TRMT11: variants seen among roughly 807,000 people sequenced by gnomAD.
The protein encoded by TRMT11 is tRNA methyltransferase 11.
A neutral mutation model predicts 62.8 loss-of-function variants in TRMT11; 53 were observed. The ratio of observed to expected loss-of-function variants is 0.84; its 90% CI spans 0.68 to 1.06. The LOEUF is 1.06. Ranked by LOEUF, TRMT11 falls within the 50% of genes least tolerant of loss-of-function variation. TRMT11 has a pLI of 0.00. For missense variants in TRMT11, 556 were observed against 553.4 expected, an observed-to-expected ratio of 1.00 and a Z score of -0.05; for synonymous variants, 188 against 190.3, an observed-to-expected ratio of 0.99 and a Z score of 0.10.
chr6:126,265,668 A>T, the TRMT11 span, among the ~76,000 whole-genome samples: 1 of 152,014 alleles, frequency 6.6e-6, no homozygotes, highest in East Asian at 1.9e-4. Context: ...TTTCTTTCTA[A>T]TGCAGCTACT....
intron 1 of TRMT11, among the ~76,000 whole-genome samples, chr6:125,991,314 T>C (rs545094419): frequency 6.6e-6 from 1 of 152,086 alleles, no homozygotes; most frequent in South Asian, 2.1e-4. Context: ...TGCAGTGGCG[T>C]GACCGTGGCT....
At chr6:126,148,669 T>C (rs1778002557) in intron 21 of TRMT11, among the ~76,000 whole-genome samples, 1 of 152,180 alleles carries the variant, frequency 6.6e-6, no homozygotes, top group Admixed American at 6.5e-5. Flanking sequence ...CTAATAATAG[T>C]ATTATTCCAA....
At chr6:126,026,928 A>T (rs1042400622) in intron 12 of TRMT11, among the ~76,000 whole-genome samples, 2 of 145,662 alleles carry the variant, frequency 1.4e-5, no homozygotes, top group Non-Finnish European at 3.0e-5. Flanking sequence ...TCAGCCTCCC[A>T]AGTAGCTGGG....
At chr6:126,007,379 A>G (rs929915887) in intron 7 of TRMT11, among the ~76,000 whole-genome samples, 3 of 152,008 alleles carry the variant, frequency 2.0e-5, no homozygotes, top group Non-Finnish European at 4.4e-5. Flanking sequence ...TTATAAGGGA[A>G]AGAGCCCCAG....
intron 7 of TRMT11, among the ~76,000 whole-genome samples, chr6:126,006,473 T>C (rs1006760205): frequency 5.9e-5 from 9 of 151,964 alleles, no homozygotes; most frequent in African/African-American, 2.2e-4. Context: ...GTGCTTACTA[T>C]TTAAGTAATG....
intron 21 of TRMT11, among the ~76,000 whole-genome samples, chr6:126,119,667 G>A (rs1200219941): frequency 6.6e-6 from 1 of 151,956 alleles, no homozygotes; most frequent in Non-Finnish European, 1.5e-5. Flanking sequence ...CTTTTGGAAC[G>A]ATCCTATGGA....
intron 17 of TRMT11, among the ~76,000 whole-genome samples, chr6:126,067,761 C>G (rs538241952): frequency 6.1e-4 from 93 of 152,160 alleles, no homozygotes; most frequent in African/African-American, 2.2e-3. Flanking sequence ...TGAATTATGC[C>G]AAATTATTTT....
intron 21 of TRMT11, among the ~76,000 whole-genome samples, chr6:126,148,436 G>A (rs1278218852): frequency 6.6e-6 from 1 of 152,136 alleles, no homozygotes; most frequent in Non-Finnish European, 1.5e-5. Context: ...CTATAATGAA[G>A]GTTCCCCTGG....
chr6:126,113,750 T>A (rs1246388196), intron 18 of TRMT11, among the ~76,000 whole-genome samples: 1 of 152,106 alleles, frequency 6.6e-6, no homozygotes. Context: ...CTACCCAAAG[T>A]AGGCTCTCAA....
the TRMT11 span, among the ~76,000 whole-genome samples, chr6:126,217,707 A>C: frequency 6.6e-6 from 1 of 152,216 alleles, no homozygotes; most frequent in Non-Finnish European, 1.5e-5. Flanking sequence ...CCAGCACAGC[A>C]CTAGGTGGGT....
chr6:126,218,076 A>G, the TRMT11 span, among the ~76,000 whole-genome samples: 2 of 152,130 alleles, frequency 1.3e-5, no homozygotes, highest in East Asian at 3.9e-4. Context: ...TTTGATGTTC[A>G]GTCAAGGCCC....
At chr6:126,259,467 G>A in the TRMT11 span, among the ~76,000 whole-genome samples, 2 of 152,202 alleles carry the variant, frequency 1.3e-5, no homozygotes, top group South Asian at 2.1e-4. Context: ...AAAATGCTGG[G>A]ATTATAGGCG....
intron 21 of TRMT11, among the ~76,000 whole-genome samples, chr6:126,151,703 C>G (rs927668478): frequency 6.6e-6 from 1 of 151,516 alleles, no homozygotes; most frequent in African/African-American, 2.4e-5. Context: ...TTTTATTCAC[C>G]CCTTCTCTTT....
At chr6:126,212,364 T>G in the TRMT11 span, among the ~76,000 whole-genome samples, 1 of 152,174 alleles carries the variant, frequency 6.6e-6, no homozygotes. Context: ...TCCATAGTGG[T>G]TGTACTAATT....
chr6:126,114,168 A>G (rs1777563081), intron 18 of TRMT11, among the ~76,000 whole-genome samples: 1 of 152,132 alleles, frequency 6.6e-6, no homozygotes, highest in South Asian at 2.1e-4. Context: ...AGACACAAAC[A>G]CAGATGTATG....
chr6:126,150,848 ATTCC>A (rs1250748681), intron 21 of TRMT11, among the ~76,000 whole-genome samples: 1 of 152,194 alleles, frequency 6.6e-6, no homozygotes, highest in Non-Finnish European at 1.5e-5. Flanking sequence ...GGAATGTTCT[ATTCC>A]TTGAATCTGG....
At chr6:126,097,634 G>A (rs1322421718) in intron 17 of TRMT11, among the ~76,000 whole-genome samples, 6 of 149,720 alleles carry the variant, frequency 4.0e-5, no homozygotes, top group African/African-American at 7.4e-5. Context: ...TTTAATTCTC[G>A]TGTTCTCAAA....
chr6:126,042,820 G>A (rs1452721498), downstream of TRMT11, among the ~76,000 whole-genome samples: 1 of 152,130 alleles, frequency 6.6e-6, no homozygotes, highest in African/African-American at 2.4e-5. Flanking sequence ...AAATGTAAAT[G>A]GTACTTATGA....
upstream of TRMT11, among the ~76,000 whole-genome samples, chr6:126,176,229 G>A (rs944804334): frequency 1.3e-5 from 2 of 152,142 alleles, no homozygotes; most frequent in African/African-American, 4.8e-5. Flanking sequence ...TCCTGAGCTG[G>A]CCAGCCCTGT....
Sources: allele counts gnomAD v4.1 joint callset (sites outside exome capture counted in the v4.1 genomes callset), GRCh38; gene constraint gnomAD v4.1.1; transcripts MANE v1.5; gene names NCBI Gene and HGNC (gene_info 2026-07-23, HGNC 2026-07-21).